Variants in PLEKHG6 observed in about 807,000 individuals in gnomAD.
The protein encoded by PLEKHG6 is pleckstrin homology and RhoGEF domain containing G6.
In PLEKHG6, 91 loss-of-function variants were observed where a neutral mutation model predicts 97.5. The ratio of observed to expected loss-of-function variants is 0.93; its 90% CI spans 0.79 to 1.11. PLEKHG6 has a LOEUF of 1.11. PLEKHG6 is among the 50% of genes most tolerant of loss of function. PLEKHG6 has a pLI of 0.00. For missense variants in PLEKHG6, 1,044 were observed against 1,031.0 expected, an observed-to-expected ratio of 1.01 and a Z score of -0.17; for synonymous variants, 466 against 425.5, an observed-to-expected ratio of 1.10 and a Z score of -1.17.
chr12:6,314,857 A>C, intron 3 of PLEKHG6, 148 bp from the exon 4 acceptor site: 1 of 715,014 alleles, frequency 1.4e-6, no homozygotes, highest in South Asian at 1.9e-5. Flanking sequence ...GTCCCCACTC[A>C]TACTCAGTGC....
chr12:6,327,934 C>A lies in PLEKHG6; in HGVS notation c.2351C>A (p.Pro784His). The A allele has an allele frequency of 6.7e-7, 1 of 1,490,034 alleles. No homozygotes were observed. The allele number at this position is 1,490,034 out of a possible 1,614,324, so 92.3% of individuals were successfully genotyped here. Residue 784 changes from proline (P) to histidine (H), a missense_variant, in exon 15 of 16, where the codon CCT (proline) becomes CAT (histidine). Transcript: ENST00000684764. ...RGPHIIQLDT[P>H]LSASEV ...CCCCACATCATTCAGCTGGACACCC[C>A]TCTGTCCGCATCGTAAGTGCTGGAG...
Position 6,312,340 on chromosome 12 carries a change from C to G in PLEKHG6, c.114C>G (p.Leu38=), listed in dbSNP as rs762332514. Residue 38 remains leucine (L), a synonymous_variant, in exon 2 of 16, where the codon CTC becomes CTG. Transcript: ENST00000684764. ...CTGCTCAGAGCACTGCTGGCAGACT[C>G]TATCCCCGAGGATACCCTGTGCTGG... ...RASAQSTAGR[L]YPRGYPVLDP... 6.3e-6 allele frequency: 10 copies of G among 1,584,430 alleles called. No individual in the cohort carries two copies. The highest frequency in any genetic ancestry group is 8.6e-6 in the Non-Finnish European group (10 of 1,168,348).
Position 6,318,857 on chromosome 12 carries a change from G to GCCAAC in PLEKHG6, c.1391_1395dup (p.Leu466AsnfsTer11), listed in dbSNP as rs770301058. The GCCAAC allele has an allele frequency of 6.2e-7, 1 of 1,614,218 alleles. No homozygotes were observed. On this transcript the variant is annotated frameshift_variant, in exon 12 of 16. Coordinates refer to ENST00000684764, the MANE Select transcript of PLEKHG6 (RefSeq NM_001384598.1). LOFTEE classifies it high-confidence loss of function. ...CCTCTCATGCTGGAGAAGCTCGTGT[G>GCCAAC]CCAACCCCTGCGAGACCCCAGTACG... is the stretch of plus-strand genomic sequence containing the variant.
rs1198661923 is a variant in PLEKHG6, at chr12:6,313,689, C to T, written c.199C>T (p.Arg67Ter). The change falls in exon 3 of 16, where the codon CGA becomes TGA. Residue 67 changes from arginine (R) to a stop codon, truncating the protein, a stop_gained. Transcript: ENST00000684764. LOFTEE classifies it high-confidence loss of function. Reference protein sequence around the residue: ...VPFARGSGQARGLSPMRLRDP... With the variant: ...VPFARGSGQA Reference sequence around the variant, plus strand: ...CTTTGCCAGGGGTTCTGGCCAGGCCCGAGGCCTGTCACCCATGAGACTGCG... The same window carrying T: ...CTTTGCCAGGGGTTCTGGCCAGGCCTGAGGCCTGTCACCCATGAGACTGCG... 8 of 1,613,688 alleles carry T rather than the reference C, an allele frequency of 5.0e-6. No individual in the cohort carries two copies. The East Asian group carries it at 6.7e-5, about 13-fold the overall frequency.
rs970679755 is a variant in PLEKHG6, at chr12:6,319,017, C to A, written c.1433C>A (p.Thr478Asn). Residue 478 changes from threonine (T) to asparagine (N), a missense_variant, in exon 13 of 16, where the codon ACT becomes AAT. Coordinates refer to ENST00000684764, the MANE Select transcript of PLEKHG6 (RefSeq NM_001384598.1). ...DPNSFLLIHL[T>N]EFQCVSSALL... The stretch of plus-strand genomic sequence containing the variant: ...GACAGCTTCCTGCTGATCCACCTCA[C>A]TGAATTCCAGTGTGTCTCCAGCGCC... The A allele has an allele frequency of 6.2e-7, 1 of 1,614,014 alleles. No individual in the cohort carries two copies. The highest frequency in any genetic ancestry group is 8.5e-7 in the Non-Finnish European group (1 of 1,180,002).
In PLEKHG6 at chr12:6,327,479, T is replaced by TGGGGGCCC; in HGVS notation, c.1896_1897insGGGGGCCC (p.Pro633GlyfsTer25). 4 of 1,603,196 alleles carry TGGGGGCCC rather than the reference T, an allele frequency of 2.5e-6. No individual in the cohort carries two copies. The highest frequency in any genetic ancestry group is 3.4e-6 in the Non-Finnish European group (4 of 1,171,652). On this transcript the variant is annotated frameshift_variant, in exon 15 of 16. Coordinates refer to ENST00000684764, the MANE Select transcript of PLEKHG6 (RefSeq NM_001384598.1). LOFTEE classifies it high-confidence loss of function. ...TGGAACTCCGGGACATCCCTCTGCG[T>TGGGGGCCC]CCCCACCCTCCCGACCCCCAAGCTC...
At chr12:6,314,623 T>A (rs1029554786) in intron 3 of PLEKHG6, among the ~76,000 whole-genome samples, 3 of 152,216 alleles carry the variant, frequency 2.0e-5, no homozygotes, top group African/African-American at 7.2e-5. Flanking sequence ...TAAGTCTTGT[T>A]CTGATTCACT....
In PLEKHG6 at chr12:6,327,977, G is replaced by T. The variant is rs1178082836; in HGVS notation, c.2363+31G>T. 3 of 1,509,756 alleles carry T rather than the reference G, an allele frequency of 2.0e-6. No individual in the cohort carries two copies. The African/African-American group carries it at 4.3e-5, about 21-fold the overall frequency. 93.5% of individuals were successfully genotyped at this position (1,509,756 alleles called of 1,614,324 possible). A position where few individuals can be genotyped will look rare whatever the true frequency, so the allele number is the denominator to read the frequency against. On this transcript the variant is annotated intron_variant, in intron 15 of 15. Coordinates refer to ENST00000684764, the MANE Select transcript of PLEKHG6 (RefSeq NM_001384598.1). ...TGCTGGAGGGAAGCTGGCCTGGGAG[G>T]GGGCAGACGGGGATGTCTGTATGGT...
At chr12:6,323,884 G>C (rs144802415) in intron 13 of PLEKHG6, among the ~76,000 whole-genome samples, 5 of 152,310 alleles carry the variant, frequency 3.3e-5, no homozygotes, top group African/African-American at 9.6e-5. Context: ...CTGGGGAAAC[G>C]CATCCGCATC....
At position 6,319,216 on chromosome 12, in the gene PLEKHG6, G is replaced by A. The variant is rs150355073; in HGVS notation, c.1524+108G>A. On this transcript the variant is annotated intron_variant, in intron 13 of 15. Coordinates refer to ENST00000684764, the MANE Select transcript of PLEKHG6 (RefSeq NM_001384598.1). ...TAATCTCAGCACTTTGGGAGGCTGA[G>A]GCAGGTGGATCACCTGAGGTCAGGA... 9.2e-3 allele frequency: 6,758 copies of A among 732,490 alleles called. 146 individuals are homozygous for A. Among genetic ancestry groups the A allele is most frequent in the African/African-American group, 0.047 (2,662 of 56,874 alleles). 45.4% of individuals were successfully genotyped at this position (732,490 alleles called of 1,614,324 possible).
In PLEKHG6 at chr12:6,313,660, T is replaced by A; in HGVS notation, c.170T>A (p.Val57Asp). The A allele has an allele frequency of 1.2e-6, 2 of 1,614,010 alleles. No homozygotes were observed. The highest frequency in any genetic ancestry group is 1.1e-5 in the South Asian group (1 of 91,086). Reference sequence around the variant, plus strand: ...AGTCGCCGACGCCTCCAGCAGTATGTCCCCTTTGCCAGGGGTTCTGGCCAG... The same window carrying A: ...AGTCGCCGACGCCTCCAGCAGTATGACCCCTTTGCCAGGGGTTCTGGCCAG... ...DPSRRRLQQY[V>D]PFARGSGQAR... Residue 57 changes from valine (V) to aspartate (D), a missense_variant, in exon 3 of 16, where the codon GTC (valine) becomes GAC (aspartate). Val to Asp is a radical substitution (Grantham distance 152). Coordinates refer to ENST00000684764, the MANE Select transcript of PLEKHG6 (RefSeq NM_001384598.1).
chr12:6,318,030 A>C, intron 10 of PLEKHG6, 36 bp downstream of exon 10: 2 of 1,558,710 alleles, frequency 1.3e-6, no homozygotes, highest in Non-Finnish European at 1.7e-6. Context: ...AGGAAAAGCA[A>C]GGTCCCAGGG....
intron 2 of PLEKHG6, chr12:6,313,251 A>C: frequency 6.9e-7 from 1 of 1,448,704 alleles, no homozygotes; most frequent in Non-Finnish European, 9.5e-7. Flanking sequence ...ACGAGAGACC[A>C]GAATGCTGTG....
chr12:6,328,307 T>G lies in PLEKHG6; in HGVS notation c.*162T>G. ...CCTGCTCTGTTTGGGGATCAAGAACTGTAAATTTATGTATCATAGGTGCAC... is the reference window on the plus strand; with the variant it reads ...CCTGCTCTGTTTGGGGATCAAGAACGGTAAATTTATGTATCATAGGTGCAC... On this transcript the variant is annotated 3_prime_UTR_variant, in exon 16 of 16. Coordinates refer to ENST00000684764, the MANE Select transcript of PLEKHG6 (RefSeq NM_001384598.1). 3.2e-6 allele frequency: 2 copies of G among 631,980 alleles called. No homozygotes were observed. The highest frequency in any genetic ancestry group is 5.6e-6 in the Non-Finnish European group (2 of 358,428). The allele number at this position is 631,980 out of a possible 1,614,324, so 39.1% of individuals were successfully genotyped here.
At chr12:6,326,732 G>A (rs984758603) in intron 14 of PLEKHG6, among the ~76,000 whole-genome samples, 159 bp downstream of exon 14, 2 of 152,152 alleles carry the variant, frequency 1.3e-5, no homozygotes, top group African/African-American at 2.4e-5. Context: ...GTGTTGGGTC[G>A]GAAGGTTGGT....
rs1402138932 is a variant in PLEKHG6, at chr12:6,327,300, G to A, written c.1717G>A (p.Asp573Asn). ...TATCCCCCACCTGGTGGTGACAGAAGACACAGATGAAGATGCTCCCCTTGT... is the reference window on the plus strand; with the variant it reads ...TATCCCCCACCTGGTGGTGACAGAAAACACAGATGAAGATGCTCCCCTTGT... ...TIIPHLVVTE[D>N]TDEDAPLVPD... The change falls in exon 15 of 16, where the codon GAC (aspartate) becomes AAC (asparagine). Residue 573 changes from aspartate (D) to asparagine (N), a missense_variant. Asp to Asn is a conservative substitution (Grantham distance 23). Transcript: ENST00000684764. The A allele has an allele frequency of 6.2e-7, 1 of 1,612,658 alleles. No homozygotes were observed. The highest frequency in any genetic ancestry group is 1.1e-5 in the South Asian group (1 of 90,908).
Position 6,315,202 on chromosome 12 carries a change from C to G in PLEKHG6, c.459+33C>G, listed in dbSNP as rs977190757. On this transcript the variant is annotated intron_variant, in intron 4 of 15. Transcript: ENST00000684764. The surrounding 1 kb of genome is among the most constrained non-coding windows in gnomAD (Gnocchi z 4.5). ...TGAAACTCACAAGGTGAGTCTGTCC[C>G]CACGGCGTGAATGCACACACAGATT... is the stretch of plus-strand genomic sequence containing the variant. 2 of 1,588,996 alleles carry G rather than the reference C, an allele frequency of 1.3e-6. No individual in the cohort carries two copies. The highest frequency in any genetic ancestry group is 3.5e-5 in the Admixed American group (2 of 57,414).
intron 2 of PLEKHG6, 136 bp downstream of exon 2, chr12:6,312,500 G>T: frequency 8.7e-7 from 1 of 1,144,328 alleles, no homozygotes; most frequent in South Asian, 1.8e-5. Context: ...TTCCTGGGTT[G>T]CGGGAAAGAG....
At chr12:6,327,999 T>A in intron 15 of PLEKHG6, 53 bp downstream of exon 15, 1 of 1,500,814 alleles carries the variant, frequency 6.7e-7, no homozygotes, top group Non-Finnish European at 9.0e-7. Context: ...GATGTCTGTA[T>A]GGTGGTGGGG....
Sources: gnomAD v4.1 joint callset for allele counts (sites outside exome capture counted in the v4.1 genomes callset) on GRCh38, gnomAD v4.1.1 for gene constraint, Gnocchi (gnomAD v3.1) non-coding constraint, MANE v1.5 for transcripts, NCBI Gene and HGNC (gene_info 2026-07-23, HGNC 2026-07-21) for gene names.